SLC12A6: variants seen among roughly 807,000 people sequenced by gnomAD.
The protein encoded by SLC12A6 is K-Cl cotransporter 3.
SLC12A6 carries 66 observed loss-of-function variants against 135.3 expected under a neutral mutation model. The ratio of observed to expected loss-of-function variants is 0.49; its 90% CI spans 0.40 to 0.60. The LOEUF is 0.60. Ranked by LOEUF, SLC12A6 falls within the 20% of genes least tolerant of loss-of-function variation. SLC12A6 has a pLI of 0.00. For missense variants in SLC12A6, 1,058 were observed against 1,452.3 expected, an observed-to-expected ratio of 0.73 and a Z score of 4.41; for synonymous variants, 513 against 508.8, an observed-to-expected ratio of 1.01 and a Z score of -0.11.
At chr15:34,333,041 A>T (rs947041590) in intron 2 of SLC12A6, among the ~76,000 whole-genome samples, 4 of 151,926 alleles carry the variant, frequency 2.6e-5, no homozygotes, top group Non-Finnish European at 5.9e-5. Context: ...AGTCTAATCT[A>T]TTGGGGTTTT....
At chr15:34,259,381 G>A (rs1192906075) in intron 4 of SLC12A6, among the ~76,000 whole-genome samples, 1 of 151,664 alleles carries the variant, frequency 6.6e-6, no homozygotes, top group African/African-American at 2.4e-5. Context: ...TGGGCATGGT[G>A]GCTCACACCT....
intron 3 of SLC12A6, 138 bp downstream of exon 3, chr15:34,275,207 C>G: frequency 1.8e-6 from 1 of 560,934 alleles, no homozygotes; most frequent in South Asian, 2.5e-5. Flanking sequence ...GGAATAGAAA[C>G]AGCAGGAAAA....
chr15:34,303,558 C>A (rs537853056), intron 2 of SLC12A6, among the ~76,000 whole-genome samples: 2 of 152,192 alleles, frequency 1.3e-5, no homozygotes, highest in South Asian at 4.1e-4. Context: ...AAACTACAGA[C>A]CTGCCATGGT....
chr15:34,244,675 T>A (rs1047745901), intron 15 of SLC12A6, among the ~76,000 whole-genome samples: 1 of 152,204 alleles, frequency 6.6e-6, no homozygotes, highest in Non-Finnish European at 1.5e-5. Context: ...CCTTATGCCA[T>A]CCCTCAATTC....
intron 2 of SLC12A6, among the ~76,000 whole-genome samples, chr15:34,313,295 A>G (rs1339819769): frequency 6.6e-6 from 1 of 152,190 alleles, no homozygotes; most frequent in Non-Finnish European, 1.5e-5. Flanking sequence ...AAATGTTAAG[A>G]AAGCTAAACA....
At chr15:34,312,279 A>G (rs1366107864) in intron 2 of SLC12A6, among the ~76,000 whole-genome samples, 2 of 152,196 alleles carry the variant, frequency 1.3e-5, no homozygotes, top group Non-Finnish European at 2.9e-5. Flanking sequence ...CGTACATCCT[A>G]TACTTCTGTA....
intron 2 of SLC12A6, among the ~76,000 whole-genome samples, chr15:34,331,540 G>A (rs1375947119): frequency 2.0e-5 from 3 of 152,252 alleles, no homozygotes; most frequent in South Asian, 4.1e-4. Flanking sequence ...ATCAGAGTAC[G>A]TTTTTAATTT....
At chr15:34,305,460 T>G (rs347854) in intron 2 of SLC12A6, among the ~76,000 whole-genome samples, 1 of 151,238 alleles carries the variant, frequency 6.6e-6, no homozygotes, top group African/African-American at 2.4e-5. Context: ...AGGTCAATAA[T>G]TGTTCATACT....
At chr15:34,281,536 T>C (rs1894677854) in intron 2 of SLC12A6, among the ~76,000 whole-genome samples, 1 of 151,770 alleles carries the variant, frequency 6.6e-6, no homozygotes, top group South Asian at 2.1e-4. Flanking sequence ...ACGCCTGTAA[T>C]CCTGGCGCCT....
intron 2 of SLC12A6, among the ~76,000 whole-genome samples, chr15:34,321,072 CAG>C (rs1164551976): frequency 2.0e-5 from 3 of 152,100 alleles, no homozygotes; most frequent in African/African-American, 7.2e-5. Context: ...AACACGAAAA[CAG>C]AAACATTAGA....
In SLC12A6 at chr15:34,272,788, T is replaced by C. The variant is rs147931375; in HGVS notation, c.316+2557A>G. 3.1e-3 allele frequency among the ~76,000 whole-genome samples: 477 copies of C among 152,352 alleles called. 9 individuals carry two copies. Among genetic ancestry groups the C allele is most frequent in the Admixed American group, 0.021 (320 of 15,292 alleles). ...GGAACAAAATCCAGCTTAGTAATAC[T>C]AGAACTGTATCAACTTTTGACTGTC... On this transcript the variant is annotated intron_variant, in intron 3 of 25. Coordinates refer to ENST00000354181, the MANE Select transcript of SLC12A6 (RefSeq NM_001365088.1).
intron 25 of SLC12A6, among the ~76,000 whole-genome samples, chr15:34,234,293 C>G (rs1360770161): frequency 6.6e-6 from 1 of 152,168 alleles, no homozygotes; most frequent in Non-Finnish European, 1.5e-5. Flanking sequence ...AGAGAGAACC[C>G]AAGTAATTTC....
At chr15:34,267,114 A>G (rs1262373356) in intron 3 of SLC12A6, among the ~76,000 whole-genome samples, 2 of 152,044 alleles carry the variant, frequency 1.3e-5, no homozygotes, top group East Asian at 1.9e-4. Flanking sequence ...AAATTGTTAA[A>G]TAAGTTTAAA....
chr15:34,264,770 C>T (rs1351745535), intron 3 of SLC12A6, among the ~76,000 whole-genome samples: 1 of 152,108 alleles, frequency 6.6e-6, no homozygotes, highest in Non-Finnish European at 1.5e-5. Flanking sequence ...ATTGATGAAG[C>T]TGGGTGATGC....
rs1282684809 is a variant in SLC12A6 at position 34,290,071 on chromosome 15, G to C, written c.272-14682C>G. 3.3e-5 allele frequency among the ~76,000 whole-genome samples: 5 copies of C among 152,208 alleles called. No individual in the cohort carries two copies. In the East Asian group the frequency reaches 9.7e-4, roughly 29 times the overall value. On this transcript the variant is annotated intron_variant, in intron 2 of 25. Transcript: ENST00000354181. ...TCTAGTTCTTTCAATTGTGATGTTAGGGTGTTGATTTTAGATCTCTCCTGC... is the reference window on the plus strand; with the variant it reads ...TCTAGTTCTTTCAATTGTGATGTTACGGTGTTGATTTTAGATCTCTCCTGC...
intron 2 of SLC12A6, among the ~76,000 whole-genome samples, chr15:34,285,538 G>C (rs186857309): frequency 1.3e-5 from 2 of 151,722 alleles, no homozygotes; most frequent in Middle Eastern, 6.8e-3. Flanking sequence ...CAGCTTAGTA[G>C]GGAATCCTGT....
intron 3 of SLC12A6, among the ~76,000 whole-genome samples, chr15:34,262,376 ATTGT>A (rs1595455534): frequency 6.6e-6 from 1 of 152,210 alleles, no homozygotes; most frequent in East Asian, 1.9e-4. Flanking sequence ...TCCACTGAGA[ATTGT>A]TTCTCATCAT....
chr15:34,286,072 C>CT (rs57903086), intron 2 of SLC12A6, among the ~76,000 whole-genome samples: 8,159 of 148,306 alleles, frequency 0.055, 709 homozygotes, highest in African/African-American at 0.19. Flanking sequence ...GGTTTTATTG[C>CT]TTTTTTTTTT....
chr15:34,229,835 C>T lies in SLC12A6; in HGVS notation c.*4046G>A. On this transcript the variant is annotated 3_prime_UTR_variant, in exon 26 of 26. Coordinates refer to ENST00000354181, the MANE Select transcript of SLC12A6 (RefSeq NM_001365088.1). Reference sequence around the variant, plus strand: ...TCCCTATGTATTTGGGTCTTATTTACATCCTTCTTTAAGCCCAGTGGCTCC... The same window carrying T: ...TCCCTATGTATTTGGGTCTTATTTATATCCTTCTTTAAGCCCAGTGGCTCC... 8 of 1,599,858 alleles carry T rather than the reference C, an allele frequency of 5.0e-6. No individual in the cohort carries two copies. Among genetic ancestry groups the T allele is most frequent in the Non-Finnish European group, 6.9e-6 (8 of 1,167,040 alleles).
Sources: gnomAD v4.1 joint callset for allele counts (sites outside exome capture counted in the v4.1 genomes callset) on GRCh38, gnomAD v4.1.1 for gene constraint, MANE v1.5 for transcripts, NCBI Gene and HGNC (gene_info 2026-07-23, HGNC 2026-07-21) for gene names.